The following PNLIPRP3 variants were observed in gnomAD, a reference collection of about 807,000 sequenced individuals.
PNLIPRP3 encodes pancreatic lipase-related protein 3.
PNLIPRP3 carries 58 observed loss-of-function variants against 52.8 expected under a neutral mutation model. That is an observed-to-expected ratio of 1.10 (90% CI 0.89 to 1.37). The LOEUF (loss-of-function observed/expected upper bound fraction) is 1.37, where lower values mean the gene tolerates loss of function less well. Ranked by LOEUF, PNLIPRP3 falls within the 40% of genes most tolerant of loss-of-function variation. The pLI is 0.00. For synonymous variants in PNLIPRP3, 192 were observed against 185.0 expected (o/e 1.04, Z -0.31); for missense variants, 593 against 561.6 (o/e 1.06, Z -0.57).
chr10:116,463,423 T>C (rs1846228626), intron 7 of PNLIPRP3, among the ~76,000 whole-genome samples: 1 of 152,180 alleles, frequency 6.6e-6, no homozygotes, highest in Admixed American at 6.5e-5. Flanking sequence ...CTGTCATCCT[T>C]CAGGACCTCT....
chr10:116,439,960 T>C (rs149653537), intron 2 of PNLIPRP3: 2 of 857,856 alleles, frequency 2.3e-6, no homozygotes, highest in African/African-American at 3.3e-5. Context: ...TGGGTTTTTC[T>C]TCTTATGTTC....
At chr10:116,444,306 A>G in intron 3 of PNLIPRP3, 76 bp from the exon 4 acceptor site, 2 of 1,271,406 alleles carry the variant, frequency 1.6e-6, no homozygotes, top group South Asian at 1.6e-5. Context: ...ATTTCTTATT[A>G]TGGAATCAAG....
At chr10:116,439,567 A>G in intron 2 of PNLIPRP3, 2 of 847,110 alleles carry the variant, frequency 2.4e-6, no homozygotes, top group Admixed American at 3.6e-5. Context: ...TTTACTTTCG[A>G]CTTATAGTCA....
chr10:116,465,116 A>G (rs1193855014), intron 7 of PNLIPRP3, among the ~76,000 whole-genome samples: 1 of 152,188 alleles, frequency 6.6e-6, no homozygotes, highest in Non-Finnish European at 1.5e-5. Context: ...CCCTATCTGA[A>G]GGCAGGTAGT....
At chr10:116,463,570 G>A (rs1203400626) in intron 7 of PNLIPRP3, among the ~76,000 whole-genome samples, 1 of 152,096 alleles carries the variant, frequency 6.6e-6, no homozygotes, top group East Asian at 1.9e-4. Context: ...TTGGTTCTTT[G>A]CTACTGGGCA....
intron 3 of PNLIPRP3, among the ~76,000 whole-genome samples, chr10:116,443,765 A>ATGTG (rs1177928611): frequency 2.4e-5 from 3 of 123,342 alleles, no homozygotes; most frequent in African/African-American, 1.1e-4. Flanking sequence ...GTGTGTGTGT[A>ATGTG]TGTGTGTGTG....
chr10:116,451,291 T>C (rs534981137), intron 4 of PNLIPRP3, among the ~76,000 whole-genome samples: 1 of 152,112 alleles, frequency 6.6e-6, no homozygotes, highest in Non-Finnish European at 1.5e-5. Context: ...TTGAAATAGA[T>C]TATAGACAAA....
chr10:116,441,788 G>A (rs770777981), intron 2 of PNLIPRP3, among the ~76,000 whole-genome samples: 5 of 152,180 alleles, frequency 3.3e-5, no homozygotes. Context: ...TGGCCCCTCA[G>A]AGTCCCCTTT....
intron 8 of PNLIPRP3, among the ~76,000 whole-genome samples, chr10:116,466,769 T>A (rs897437323): frequency 6.6e-6 from 1 of 152,204 alleles, no homozygotes; most frequent in Non-Finnish European, 1.5e-5. Flanking sequence ...AGAGACCTAA[T>A]CCCCTGTTTT....
intron 10 of PNLIPRP3, among the ~76,000 whole-genome samples, chr10:116,476,213 AC>A (rs1846463489): frequency 6.6e-6 from 1 of 152,128 alleles, no homozygotes; most frequent in South Asian, 2.1e-4. Flanking sequence ...GAAAAAGGGC[AC>A]GGGAGCACTC....
intron 10 of PNLIPRP3, 63 bp from the exon 11 acceptor site, chr10:116,476,589 T>C: frequency 7.5e-7 from 1 of 1,338,406 alleles, no homozygotes; most frequent in Non-Finnish European, 1.0e-6. Flanking sequence ...CACAGATGTG[T>C]TTTCTTTCAT....
At chr10:116,467,416 T>C (rs1395095060) in intron 8 of PNLIPRP3, among the ~76,000 whole-genome samples, 1 of 152,074 alleles carries the variant, frequency 6.6e-6, no homozygotes, top group Non-Finnish European at 1.5e-5. Flanking sequence ...AATAAATAAA[T>C]AAATAAATAG....
intron 9 of PNLIPRP3, 71 bp downstream of exon 9, chr10:116,469,388 T>C: frequency 7.0e-7 from 1 of 1,434,228 alleles, no homozygotes. Context: ...CAGTTTTTAT[T>C]GAGTGTCTAC....
chr10:116,452,930 G>A (rs1846059461), intron 4 of PNLIPRP3, among the ~76,000 whole-genome samples: 1 of 152,238 alleles, frequency 6.6e-6, no homozygotes, highest in African/African-American at 2.4e-5. Context: ...CCCCACTGGG[G>A]AACTGCCTAG....
chr10:116,429,004 G>T (rs1845673145), intron 1 of PNLIPRP3, among the ~76,000 whole-genome samples: 2 of 151,930 alleles, frequency 1.3e-5, no homozygotes, highest in South Asian at 4.2e-4. Context: ...TTGATCTGTA[G>T]AAACAGGACA....
intron 2 of PNLIPRP3, among the ~76,000 whole-genome samples, chr10:116,440,808 A>T (rs1453117091): frequency 6.6e-6 from 1 of 152,192 alleles, no homozygotes; most frequent in African/African-American, 2.4e-5. Flanking sequence ...GACATGTTGC[A>T]CACTTCCGGT....
chr10:116,461,318 A>G (rs1281239437), intron 7 of PNLIPRP3, 28 bp downstream of exon 7: 18 of 1,601,634 alleles, frequency 1.1e-5, no homozygotes, highest in Non-Finnish European at 1.3e-5. Context: ...TATGAATGCT[A>G]CTGATGCATA....
intron 4 of PNLIPRP3, among the ~76,000 whole-genome samples, chr10:116,446,280 A>G (rs1845949217): frequency 7.0e-6 from 1 of 142,132 alleles, no homozygotes; most frequent in Non-Finnish European, 1.5e-5. Flanking sequence ...CGGGAGGCGG[A>G]GCTTGCAGTA....
At chr10:116,436,991 T>C (rs1007104674) in intron 2 of PNLIPRP3, 126 bp downstream of exon 2, 2 of 1,012,734 alleles carry the variant, frequency 2.0e-6, no homozygotes, top group African/African-American at 1.6e-5. Context: ...AAACATTTCT[T>C]TTCAGTATTA....
Sources: gnomAD v4.1 joint callset for allele counts (sites outside exome capture counted in the v4.1 genomes callset) on GRCh38, gnomAD v4.1.1 for gene constraint, MANE v1.5 for transcripts, NCBI Gene and HGNC (gene_info 2026-07-23, HGNC 2026-07-21) for gene names.